RASGRP3: variants seen among roughly 807,000 people sequenced by gnomAD.
The protein encoded by RASGRP3 is RAS guanyl releasing protein 3.
Under a neutral mutation model 82.7 loss-of-function variants are expected in RASGRP3, and 54 were observed. The observed-to-expected ratio is 0.65, with a 90% CI of 0.52 to 0.82. The LOEUF is 0.82. RASGRP3 is among the 40% of genes least tolerant of loss of function. RASGRP3 has a pLI of 0.00. For missense variants in RASGRP3, 861 were observed against 828.9 expected (o/e 1.04, Z -0.48); for synonymous variants, 309 against 300.5 (o/e 1.03, Z -0.29).
chr2:33,463,331 A>G (rs1435851619), intron 2 of RASGRP3, among the ~76,000 whole-genome samples: 1 of 152,230 alleles, frequency 6.6e-6, no homozygotes, highest in Admixed American at 6.5e-5. Context: ...ATTCAAGTGA[A>G]TTATAATAAG....
chr2:33,558,186 C>G (rs748989789), intron 15 of RASGRP3, 25 bp from the exon 16 acceptor site: 6 of 1,604,572 alleles, frequency 3.7e-6, no homozygotes, highest in South Asian at 3.4e-5. Context: ...CACTAATCAT[C>G]TGCGACACCC....
chr2:33,532,746 T>A (rs140411004), intron 10 of RASGRP3: 1 of 152,216 alleles, frequency 6.6e-6, no homozygotes, highest in Non-Finnish European at 1.5e-5. Context: ...AAAAAAACTT[T>A]GTGACAAAGT....
chr2:33,477,654 T>C (rs1667497841), intron 1 of RASGRP3, among the ~76,000 whole-genome samples: 1 of 152,190 alleles, frequency 6.6e-6, no homozygotes, highest in Non-Finnish European at 1.5e-5. Context: ...GGAACTGAGC[T>C]GTTGTTCGGT....
chr2:33,477,717 A>G (rs1463120772), intron 1 of RASGRP3, among the ~76,000 whole-genome samples: 3 of 152,188 alleles, frequency 2.0e-5, no homozygotes, highest in African/African-American at 7.2e-5. Context: ...GAGGAAAGGC[A>G]AAAGGGGAAA....
intron 1 of RASGRP3, among the ~76,000 whole-genome samples, chr2:33,511,500 A>G (rs1051355138): frequency 6.6e-6 from 1 of 152,192 alleles, no homozygotes; most frequent in Non-Finnish European, 1.5e-5. Context: ...TAGGCTGCAA[A>G]AAGCTTACTT....
intron 6 of RASGRP3, among the ~76,000 whole-genome samples, chr2:33,521,318 C>CT (rs776817582): frequency 2.6e-5 from 4 of 152,176 alleles, no homozygotes; most frequent in Non-Finnish European, 5.9e-5. Flanking sequence ...ACAGGGAAGA[C>CT]TATTTGATGA....
intron 7 of RASGRP3, 142 bp downstream of exon 7, chr2:33,522,244 T>A: frequency 2.2e-6 from 2 of 898,920 alleles, no homozygotes; most frequent in South Asian, 1.8e-5. Context: ...ACAGGAACAA[T>A]CCCTTTTAAC....
chr2:33,465,488 A>C (rs1361093256), intron 2 of RASGRP3, among the ~76,000 whole-genome samples: 1 of 152,224 alleles, frequency 6.6e-6, no homozygotes, highest in African/African-American at 2.4e-5. Context: ...ACACCACTGC[A>C]CTCCAGCCTG....
chr2:33,539,008 C>T lies in RASGRP3; in HGVS notation c.1162-86C>T. On this transcript the variant is annotated intron_variant, in intron 11 of 17. Transcript: ENST00000403687. ...GAGCCGAAATTACACCACTGCACTC[C>T]AGCCTGGGCGACAGAACCAGACCCT... The T allele has an allele frequency of 4.1e-6, 4 of 973,572 alleles. No homozygotes were observed. The South Asian group carries it at 4.8e-5, about 12-fold the overall frequency. 60.3% of individuals were successfully genotyped at this position (973,572 alleles called of 1,614,324 possible).
intron 17 of RASGRP3, among the ~76,000 whole-genome samples, chr2:33,560,746 G>A (rs566890440): frequency 7.9e-5 from 12 of 152,212 alleles, no homozygotes; most frequent in Non-Finnish European, 1.8e-4. Flanking sequence ...GAGTGCTCAG[G>A]ATGGCGCCCA....
At position 33,439,125 on chromosome 2, in the gene RASGRP3, G is replaced by A. The variant is rs149580923; in HGVS notation, c.-385+2534G>A. On this transcript the variant is annotated intron_variant, in intron 1 of 18. Coordinates refer to the RASGRP3 transcript ENST00000402538. ...GACTTTTCTCCTACTGTCTCATCCT[G>A]TATTACAGGTCTACAAGCAGCACCA... Among the ~76,000 whole-genome samples the A allele has an allele frequency of 3.0e-3, 456 of 152,228 alleles. 3 individuals are homozygous for A. Among genetic ancestry groups the A allele is most frequent in the African/African-American group, 0.01 (430 of 41,542 alleles).
intron 1 of RASGRP3, among the ~76,000 whole-genome samples, chr2:33,492,054 C>G (rs1668890108): frequency 6.6e-6 from 1 of 152,196 alleles, no homozygotes; most frequent in South Asian, 2.1e-4. Context: ...CCTGAGGTTG[C>G]TCATGGAATC....
intron 2 of RASGRP3, among the ~76,000 whole-genome samples, chr2:33,462,639 A>G (rs1484466983): frequency 1.3e-5 from 2 of 152,154 alleles, no homozygotes; most frequent in Non-Finnish European, 1.5e-5. Flanking sequence ...CAGCCTCCCA[A>G]AGTACTGGGA....
Position 33,491,458 on chromosome 2 carries a change from T to A in RASGRP3, c.-261+14751T>A, listed in dbSNP as rs115274084. ...AATGTATTAATACTTAATCTTTTTG[T>A]ATTCCAACTTATTTATTTATAACAT... On this transcript the variant is annotated intron_variant, in intron 1 of 17. Transcript: ENST00000403687. Among the ~76,000 whole-genome samples the A allele has an allele frequency of 2.7e-3, 408 of 152,326 alleles. 4 individuals are homozygous for A. Among genetic ancestry groups the A allele is most frequent in the African/African-American group, 9.3e-3 (385 of 41,574 alleles).
At chr2:33,492,315 C>A (rs1668920215) in intron 1 of RASGRP3, among the ~76,000 whole-genome samples, 1 of 152,148 alleles carries the variant, frequency 6.6e-6, no homozygotes, top group African/African-American at 2.4e-5. Context: ...TTATTACAGA[C>A]CTGCTTCGAG....
intron 12 of RASGRP3, among the ~76,000 whole-genome samples, chr2:33,540,614 T>TC (rs1674202045): frequency 1.1e-5 from 1 of 92,044 alleles, no homozygotes; most frequent in South Asian, 3.5e-4. Context: ...GTCTGGGGAA[T>TC]TTCTCTCTCT....
chr2:33,542,234 T>A (rs1418649040), intron 12 of RASGRP3, among the ~76,000 whole-genome samples: 2 of 147,554 alleles, frequency 1.4e-5, no homozygotes, highest in Non-Finnish European at 3.0e-5. Context: ...ATCTGTGGAT[T>A]TTAAAAGATA....
chr2:33,484,497 G>A (rs879482271), intron 1 of RASGRP3, among the ~76,000 whole-genome samples: 14 of 151,722 alleles, frequency 9.2e-5, no homozygotes, highest in Non-Finnish European at 1.6e-4. Flanking sequence ...AATGCTTGCC[G>A]TTCAAAATCA....
intron 13 of RASGRP3, among the ~76,000 whole-genome samples, chr2:33,546,149 C>T (rs1381378836): frequency 1.3e-5 from 2 of 151,318 alleles, no homozygotes; most frequent in Non-Finnish European, 2.9e-5. Context: ...ATTGGCTGGG[C>T]GCTGTGGCCC....
Sources: gnomAD v4.1 joint callset for allele counts (sites outside exome capture counted in the v4.1 genomes callset) on GRCh38, gnomAD v4.1.1 for gene constraint, MANE v1.5 for transcripts, NCBI Gene and HGNC (gene_info 2026-07-23, HGNC 2026-07-21) for gene names.